Variants in SPECC1L observed in about 807,000 individuals in gnomAD.
SPECC1L encodes the protein sperm antigen with calponin homology and coiled-coil domains 1 like.
A neutral mutation model predicts 116.8 loss-of-function variants in SPECC1L; 40 were observed. That is an observed-to-expected ratio of 0.34 (90% CI 0.27 to 0.45). The LOEUF (loss-of-function observed/expected upper bound fraction) is 0.45. Ranked by LOEUF, SPECC1L falls within the 20% of genes least tolerant of loss-of-function variation. The pLI, the probability that SPECC1L is intolerant of heterozygous loss-of-function variation, is 1.00. For synonymous variants in SPECC1L, 504 were observed against 500.6 expected, an observed-to-expected ratio of 1.01 and a Z score of -0.09; for missense variants, 1,110 against 1,373.6, an observed-to-expected ratio of 0.81 and a Z score of 3.03.
At chr22:24,310,291 A>G (rs1349812313) in intron 3 of SPECC1L, among the ~76,000 whole-genome samples, 1 of 152,230 alleles carries the variant, frequency 6.6e-6, no homozygotes, top group Non-Finnish European at 1.5e-5. Context: ...AGTATTTTGC[A>G]ATAAAAAACA....
In SPECC1L at chr22:24,306,710, A is replaced by G. The variant is rs563951348; in HGVS notation, c.153+4326A>G. On this transcript the variant is annotated intron_variant, in intron 3 of 16. Transcript: ENST00000314328. ...TAAGTGTGCAGTTCAGTTCTGTTAA[A>G]TACATTCACATTGTTGTGCAACCAT... Among the ~76,000 whole-genome samples, 6 of 152,336 alleles carry G rather than the reference A, an allele frequency of 3.9e-5. No homozygotes were observed. The South Asian group carries it at 1.2e-3, about 32-fold the overall frequency.
chr22:24,334,587 C>T lies in SPECC1L; in HGVS notation c.2560+14C>T. The stretch of plus-strand genomic sequence containing the variant: ...GTGCATCTCAAGGTAATTAATTTCT[C>T]CTACATTGTGCCTACTGCATGCGGT... On this transcript the variant is annotated intron_variant, in intron 9 of 16. Coordinates refer to ENST00000314328, the MANE Select transcript of SPECC1L (RefSeq NM_015330.6). 1 of 1,613,892 alleles carries T rather than the reference C, an allele frequency of 6.2e-7. No homozygotes were observed. The highest frequency in any genetic ancestry group is 8.5e-7 in the Non-Finnish European group (1 of 1,179,822).
intron 11 of SPECC1L, among the ~76,000 whole-genome samples, chr22:24,353,295 T>C (rs763680451): frequency 7.2e-5 from 11 of 152,192 alleles, no homozygotes; most frequent in Non-Finnish European, 1.5e-4. Flanking sequence ...AGTCTGCAGC[T>C]GCTTCTCACT....
chr22:24,312,415 A>G (rs2040480047), intron 3 of SPECC1L, among the ~76,000 whole-genome samples: 1 of 152,236 alleles, frequency 6.6e-6, no homozygotes, highest in African/African-American at 2.4e-5. Flanking sequence ...CCTTGTAGAA[A>G]TGAATTCAGT....
At chr22:24,315,914 C>T (rs946406469) in intron 4 of SPECC1L, among the ~76,000 whole-genome samples, 9 of 152,344 alleles carry the variant, frequency 5.9e-5, no homozygotes, top group South Asian at 2.1e-4. Flanking sequence ...CTCATCTCCT[C>T]CTCTTACAAG....
chr22:24,320,129 A>T (rs2040691584), intron 4 of SPECC1L, among the ~76,000 whole-genome samples: 1 of 152,154 alleles, frequency 6.6e-6, no homozygotes, highest in Non-Finnish European at 1.5e-5. Context: ...CAAAAAAATT[A>T]GCCAGGCATG....
At chr22:24,403,375 AAT>A (rs1350322811) in intron 14 of SPECC1L, among the ~76,000 whole-genome samples, 13 of 152,194 alleles carry the variant, frequency 8.5e-5, no homozygotes, top group Admixed American at 2.0e-4. Flanking sequence ...ATTAGTAAGT[AAT>A]ATGTTTTCTA....
chr22:24,382,855 C>T (rs1158522439), intron 14 of SPECC1L, among the ~76,000 whole-genome samples: 1 of 152,148 alleles, frequency 6.6e-6, no homozygotes, highest in Non-Finnish European at 1.5e-5. Flanking sequence ...CACTGCACTC[C>T]AGCCTGGACA....
chr22:24,354,580 T>C (rs1180206263), intron 11 of SPECC1L, among the ~76,000 whole-genome samples: 1 of 152,136 alleles, frequency 6.6e-6, no homozygotes, highest in African/African-American at 2.4e-5. Flanking sequence ...TGAAGTACTT[T>C]CTGGCACTAC....
intron 14 of SPECC1L, among the ~76,000 whole-genome samples, chr22:24,398,768 C>CT (rs2042414006): frequency 6.6e-6 from 1 of 152,108 alleles, no homozygotes; most frequent in African/African-American, 2.4e-5. Flanking sequence ...TTAGTTTCTC[C>CT]TCAAACAATC....
Position 24,349,104 on chromosome 22 carries a change from G to A in SPECC1L, c.2743+1928G>A, listed in dbSNP as rs540313634. Among the ~76,000 whole-genome samples the A allele has an allele frequency of 3.2e-4, 49 of 151,912 alleles. 1 individual carries two copies. The South Asian group carries it at 8.3e-3, about 26-fold the overall frequency. On this transcript the variant is annotated intron_variant, in intron 11 of 16. Transcript: ENST00000314328. The stretch of plus-strand genomic sequence containing the variant: ...CGCCCAGGCTGTAGTGCAGTGGCAC[G>A]ATATCAACTTACTGCAACTTCCGCC...
At chr22:24,304,187 A>C (rs184397024) in intron 3 of SPECC1L, among the ~76,000 whole-genome samples, 2 of 152,102 alleles carry the variant, frequency 1.3e-5, no homozygotes, top group East Asian at 3.9e-4. Flanking sequence ...CAGATGAATG[A>C]AGTGTTTGGC....
chr22:24,362,287 A>G (rs1569435556), intron 11 of SPECC1L, among the ~76,000 whole-genome samples: 2 of 152,172 alleles, frequency 1.3e-5, no homozygotes, highest in Admixed American at 6.5e-5. Flanking sequence ...GTGATGTTCA[A>G]CTGAGACCTG....
intron 11 of SPECC1L, among the ~76,000 whole-genome samples, chr22:24,355,814 T>TCCCC (rs2041521271): frequency 6.7e-6 from 1 of 150,114 alleles, no homozygotes; most frequent in African/African-American, 2.5e-5. Context: ...TCTCCCTCCC[T>TCCCC]CCCCCCGTTC....
intron 7 of SPECC1L, among the ~76,000 whole-genome samples, chr22:24,329,441 A>T (rs967570071): frequency 6.6e-6 from 1 of 152,264 alleles, no homozygotes; most frequent in Non-Finnish European, 1.5e-5. Flanking sequence ...CTGTTTTCAT[A>T]CAAGTTTTCT....
intron 14 of SPECC1L, among the ~76,000 whole-genome samples, chr22:24,407,398 G>T (rs999911659): frequency 6.6e-6 from 1 of 152,204 alleles, no homozygotes; most frequent in South Asian, 2.1e-4. Context: ...TTTATCTTGA[G>T]GAAGCGGAGG....
At chr22:24,299,140 T>C (rs1263262427) in intron 2 of SPECC1L, among the ~76,000 whole-genome samples, 1 of 152,218 alleles carries the variant, frequency 6.6e-6, no homozygotes, top group Non-Finnish European at 1.5e-5. Flanking sequence ...AATTTACATA[T>C]TGAAATTTAT....
intron 16 of SPECC1L, among the ~76,000 whole-genome samples, chr22:24,413,422 C>T (rs960816056): frequency 3.3e-5 from 5 of 152,188 alleles, no homozygotes; most frequent in African/African-American, 9.7e-5. Flanking sequence ...TCAGAAAGGG[C>T]GGAGAGCCCA....
At position 24,309,643 on chromosome 22, in the gene SPECC1L, C is replaced by T. The variant is rs550561418; in HGVS notation, c.154-3670C>T. On this transcript the variant is annotated intron_variant, in intron 3 of 16. Transcript: ENST00000314328. ...CTTGAACTCCTGACCTCGTGATCTA[C>T]CCACCTTGTCCTCCCAAAGTGCTGG... Among the ~76,000 whole-genome samples, 8 of 152,270 alleles carry T rather than the reference C, an allele frequency of 5.3e-5. No homozygotes were observed. In the South Asian group the frequency reaches 1.7e-3, roughly 32 times the overall value.
Sources: gnomAD v4.1 joint callset for allele counts (sites outside exome capture counted in the v4.1 genomes callset) on GRCh38, gnomAD v4.1.1 for gene constraint, MANE v1.5 for transcripts, NCBI Gene and HGNC (gene_info 2026-07-23, HGNC 2026-07-21) for gene names.